Variants in MEIS2 observed in about 807,000 individuals in gnomAD.
MEIS2 encodes the protein homeobox protein Meis2.
MEIS2 carries 9 observed loss-of-function variants against 58.6 expected under a neutral mutation model. That is an observed-to-expected ratio of 0.15 (90% CI 0.09 to 0.27). The LOEUF (loss-of-function observed/expected upper bound fraction) is 0.27, where lower values mean the gene tolerates loss of function less well. MEIS2 is among the 10% of genes least tolerant of loss of function. The probability of loss-of-function intolerance (pLI) is 1.00; values close to 1 mark genes in which losing one functional copy is unlikely to be tolerated. For synonymous variants in MEIS2, 221 were observed against 228.4 expected, an observed-to-expected ratio of 0.97 and a Z score of 0.29; for missense variants, 427 against 635.0, an observed-to-expected ratio of 0.67 and a Z score of 3.52.
At chr15:36,953,031 G>C (rs117119564) in intron 8 of MEIS2, among the ~76,000 whole-genome samples, 1 of 152,126 alleles carries the variant, frequency 6.6e-6, no homozygotes, top group Non-Finnish European at 1.5e-5. Flanking sequence ...ATGGTCTGTG[G>C]TTTTTGAACA....
At chr15:37,097,764 G>A (rs554827477) in intron 2 of MEIS2, among the ~76,000 whole-genome samples, 1 of 152,202 alleles carries the variant, frequency 6.6e-6, no homozygotes, top group Admixed American at 6.5e-5. Flanking sequence ...CTGTGAGAGC[G>A]AAAGAGGCTA....
intron 8 of MEIS2, among the ~76,000 whole-genome samples, chr15:36,951,375 GTCAT>G (rs1355811949): frequency 6.6e-6 from 1 of 152,058 alleles, no homozygotes; most frequent in Non-Finnish European, 1.5e-5. Context: ...GCATGTCAAA[GTCAT>G]TCATAAAGTA....
intron 8 of MEIS2, among the ~76,000 whole-genome samples, chr15:36,979,531 C>CT (rs2059863837): frequency 6.6e-6 from 1 of 151,540 alleles, no homozygotes; most frequent in African/African-American, 2.4e-5. Flanking sequence ...TTGGGATAAA[C>CT]TTTTTTTTCA....
chr15:36,993,838 G>A (rs2060380819), intron 8 of MEIS2, among the ~76,000 whole-genome samples: 1 of 151,988 alleles, frequency 6.6e-6, no homozygotes, highest in Admixed American at 6.6e-5. Flanking sequence ...TTTAAATTAT[G>A]GTACTAATAG....
chr15:37,075,933 T>G (rs1403320044), intron 7 of MEIS2, among the ~76,000 whole-genome samples: 1 of 151,938 alleles, frequency 6.6e-6, no homozygotes, highest in Non-Finnish European at 1.5e-5. Flanking sequence ...TCCAGCAAGC[T>G]GAGGAAACTT....
At chr15:37,099,127 T>TG (rs1168146088) in intron 1 of MEIS2, 1 of 1,087,566 alleles carries the variant, frequency 9.2e-7, no homozygotes, top group Non-Finnish European at 1.1e-6. Context: ...ATCGCGCTGC[T>TG]GGGGTAAAAG....
intron 9 of MEIS2, among the ~76,000 whole-genome samples, chr15:36,910,447 G>A (rs539322199): frequency 1.9e-4 from 29 of 152,310 alleles, no homozygotes; most frequent in African/African-American, 6.5e-4. Flanking sequence ...CCAAGAGAAG[G>A]TGATGGTACA....
rs141054432 is a variant in MEIS2, at chr15:36,892,295, T to C, written c.1312A>G (p.Met438Val). ...GTAGGGGGTCCTCCGTGCATCATCA[T>C]GGCTGGGTGGTGGGGATGGCTTGGC... ...YLPSHPHHPAMMMHGGPPTHP... is the reference protein window; with the variant it reads ...YLPSHPHHPAVMMHGGPPTHP... The change falls in exon 12 of 12, where the codon ATG (methionine) becomes GTG (valine). Residue 438 changes from methionine (M) to valine (V), a missense_variant. By Grantham distance (21) the Met-to-Val change is conservative. Transcript: ENST00000561208. The C allele has an allele frequency of 4.2e-5, 68 of 1,613,894 alleles. No homozygotes were observed. In the African/African-American group the frequency reaches 7.7e-4, roughly 18 times the overall value.
At chr15:36,914,993 A>T (rs1022420320) in intron 9 of MEIS2, among the ~76,000 whole-genome samples, 1 of 152,134 alleles carries the variant, frequency 6.6e-6, no homozygotes, top group Non-Finnish European at 1.5e-5. Flanking sequence ...ACAAACAAAT[A>T]ATCAGAAGAA....
intron 2 of MEIS2, among the ~76,000 whole-genome samples, chr15:37,096,657 G>C (rs899223814): frequency 4.6e-5 from 7 of 152,052 alleles, no homozygotes; most frequent in Non-Finnish European, 8.8e-5. Context: ...GATCTGGCCA[G>C]AGAAGACCCC....
At chr15:37,078,605 CAAAAAAAAAAAAAAAA>C (rs540405090) in intron 7 of MEIS2, among the ~76,000 whole-genome samples, 1 of 69,412 alleles carries the variant, frequency 1.4e-5, no homozygotes, top group Non-Finnish European at 2.6e-5. Context: ...AAAAAACAAC[CAAAAAAAAAAAAAAAA>C]AAAAAAAAAA....
intron 8 of MEIS2, among the ~76,000 whole-genome samples, chr15:37,002,917 T>C (rs1165064519): frequency 6.6e-6 from 1 of 152,220 alleles, no homozygotes. Flanking sequence ...ATTTGTTTTA[T>C]TTTTAAATTT....
At chr15:36,912,155 C>T (rs2057059422) in intron 9 of MEIS2, among the ~76,000 whole-genome samples, 1 of 115,492 alleles carries the variant, frequency 8.7e-6, no homozygotes, top group Non-Finnish European at 1.9e-5. Context: ...TTTAGGTGCA[C>T]ACAAAAGTGA....
chr15:37,025,356 A>C (rs1448839821), intron 8 of MEIS2, among the ~76,000 whole-genome samples: 1 of 152,202 alleles, frequency 6.6e-6, no homozygotes, highest in Non-Finnish European at 1.5e-5. Flanking sequence ...AGGGAGCAAA[A>C]GGCTGTGCTA....
chr15:37,099,244 ACACGCACACACG>A (rs1894795563), intron 1 of MEIS2, 199 bp downstream of exon 1: 7 of 1,437,910 alleles, frequency 4.9e-6, no homozygotes, highest in African/African-American at 1.4e-5. Context: ...GCGCGCCCAG[ACACGCACACACG>A]CACGCACACA....
chr15:36,894,856 A>G (rs756072746), intron 11 of MEIS2: 2 of 1,434,400 alleles, frequency 1.4e-6, no homozygotes, highest in Non-Finnish European at 2.0e-6. Context: ...AAAATCAGCA[A>G]TAATTGATGG....
intron 7 of MEIS2, among the ~76,000 whole-genome samples, chr15:37,064,377 A>G (rs1394897146): frequency 2.0e-5 from 3 of 152,050 alleles, no homozygotes; most frequent in Non-Finnish European, 4.4e-5. Context: ...CATATTTACA[A>G]CGTAAATATG....
At chr15:37,022,233 T>A (rs1245065607) in intron 8 of MEIS2, among the ~76,000 whole-genome samples, 1 of 152,146 alleles carries the variant, frequency 6.6e-6, no homozygotes, top group Non-Finnish European at 1.5e-5. Context: ...TTATAGTCAT[T>A]ATTAAGTTAG....
chr15:36,961,151 A>G (rs2059167297), intron 8 of MEIS2, among the ~76,000 whole-genome samples: 2 of 152,156 alleles, frequency 1.3e-5, no homozygotes, highest in African/African-American at 4.8e-5. Flanking sequence ...CAATGCATGA[A>G]TACATTAAAT....
Sources: allele counts gnomAD v4.1 joint callset (sites outside exome capture counted in the v4.1 genomes callset), GRCh38; gene constraint gnomAD v4.1.1; transcripts MANE v1.5; gene names NCBI Gene and HGNC (gene_info 2026-07-23, HGNC 2026-07-21).